Variants in CTNNA3 observed in about 807,000 individuals in gnomAD.
CTNNA3 encodes catenin alpha-3.
A neutral mutation model predicts 95.7 loss-of-function variants in CTNNA3; 76 were observed. The observed-to-expected ratio is 0.79, with a 90% CI of 0.66 to 0.96. The LOEUF is 0.96. CTNNA3 is among the 40% of genes least tolerant of loss of function. The pLI is 0.00. For missense variants in CTNNA3, 1,191 were observed against 1,089.8 expected (o/e 1.09, Z -1.31); for synonymous variants, 431 against 374.4 (o/e 1.15, Z -1.74).
chr10:67,403,694 C>T (rs1845015625), intron 5 of CTNNA3, among the ~76,000 whole-genome samples: 1 of 152,208 alleles, frequency 6.6e-6, no homozygotes, highest in African/African-American at 2.4e-5. Context: ...CACAGCACAG[C>T]TGCTCTACAA....
chr10:67,537,728 A>G (rs1352086293), intron 4 of CTNNA3, among the ~76,000 whole-genome samples: 1 of 152,168 alleles, frequency 6.6e-6, no homozygotes, highest in Non-Finnish European at 1.5e-5. Flanking sequence ...GGGTCATTGG[A>G]ACTAGGAATT....
chr10:67,251,656 C>T (rs892984081), intron 5 of CTNNA3, among the ~76,000 whole-genome samples: 7 of 152,002 alleles, frequency 4.6e-5, no homozygotes, highest in African/African-American at 1.4e-4. Flanking sequence ...GATCAAGGGA[C>T]GGGGGTTGGA....
At chr10:67,462,910 CT>C (rs776462420) in intron 5 of CTNNA3, among the ~76,000 whole-genome samples, 133 of 143,836 alleles carry the variant, frequency 9.2e-4, no homozygotes, top group Middle Eastern at 3.6e-3. Flanking sequence ...TTTTCTTTTT[CT>C]TTTTTTTTTT....
intron 7 of CTNNA3, among the ~76,000 whole-genome samples, chr10:66,829,770 C>T (rs990562104): frequency 2.6e-5 from 4 of 151,434 alleles, no homozygotes; most frequent in African/African-American, 4.9e-5. Context: ...GCACCCATTC[C>T]TATTAGCCTT....
In CTNNA3 at chr10:66,359,592, ACAATAGCATC is replaced by A. The variant is rs2092637464; in HGVS notation, c.1732+19550_1732+19559del. ...GATTTCTGGATTAAATCATTCCCAGACAATAGCATCAATTAGGAGATACATGCATACCTCT... is the reference window on the plus strand; with the variant it reads ...GATTTCTGGATTAAATCATTCCCAGAAATTAGGAGATACATGCATACCTCT... On this transcript the variant is annotated intron_variant, in intron 12 of 17. Transcript: ENST00000433211. Among the ~76,000 whole-genome samples, 3 of 152,290 alleles carry A rather than the reference ACAATAGCATC, an allele frequency of 2.0e-5. No individual in the cohort carries two copies. The South Asian group carries it at 6.2e-4, about 32-fold the overall frequency.
chr10:66,515,595 G>A (rs1461863772), intron 11 of CTNNA3, among the ~76,000 whole-genome samples: 2 of 151,974 alleles, frequency 1.3e-5, no homozygotes, highest in African/African-American at 4.8e-5. Context: ...CCCAAGACTG[G>A]GTCATTTATA....
intron 13 of CTNNA3, among the ~76,000 whole-genome samples, chr10:66,236,206 TA>T (rs1355807891): frequency 6.6e-6 from 1 of 152,170 alleles, no homozygotes; most frequent in African/African-American, 2.4e-5. Context: ...AAGTCAGAAC[TA>T]AACACAAGTT....
intron 11 of CTNNA3, among the ~76,000 whole-genome samples, chr10:66,493,551 T>A (rs1839994596): frequency 6.6e-6 from 1 of 152,026 alleles, no homozygotes; most frequent in Admixed American, 6.5e-5. Flanking sequence ...CACTTTTAAT[T>A]TTTTTGTTGT....
At chr10:67,538,157 T>TAAA (rs1176919938) in intron 4 of CTNNA3, among the ~76,000 whole-genome samples, 24 of 59,190 alleles carry the variant, frequency 4.1e-4, no homozygotes, top group East Asian at 1.8e-3. Context: ...CTACTTAAAC[T>TAAA]AAAAAAAAAA....
intron 11 of CTNNA3, among the ~76,000 whole-genome samples, chr10:66,488,310 A>G (rs1197564986): frequency 6.6e-6 from 1 of 152,216 alleles, no homozygotes; most frequent in Non-Finnish European, 1.5e-5. Context: ...GCATGGACAT[A>G]GATGAGTTAG....
intron 7 of CTNNA3, among the ~76,000 whole-genome samples, chr10:66,973,287 G>C (rs970046844): frequency 7.9e-5 from 12 of 152,044 alleles, no homozygotes; most frequent in African/African-American, 2.2e-4. Context: ...AAAGAAAATT[G>C]ACAATTAGAA....
chr10:67,324,979 G>C (rs1243506248), intron 5 of CTNNA3, among the ~76,000 whole-genome samples: 1 of 152,042 alleles, frequency 6.6e-6, no homozygotes, highest in Non-Finnish European at 1.5e-5. Flanking sequence ...GGTTGTATGT[G>C]TCTAGGAATT....
intron 11 of CTNNA3, among the ~76,000 whole-genome samples, chr10:66,418,713 A>T (rs201629643): frequency 1.2e-5 from 1 of 82,452 alleles, no homozygotes; most frequent in South Asian, 5.4e-4. Context: ...AAGGGACACA[A>T]GGATGTTCAA....
At chr10:66,056,779 A>G (rs1245534680) in intron 15 of CTNNA3, among the ~76,000 whole-genome samples, 1 of 152,130 alleles carries the variant, frequency 6.6e-6, no homozygotes, top group African/African-American at 2.4e-5. Context: ...GAACTCCTCC[A>G]TTTCTTCTAG....
At chr10:66,616,244 T>C (rs564034667) in intron 10 of CTNNA3, among the ~76,000 whole-genome samples, 2 of 152,160 alleles carry the variant, frequency 1.3e-5, no homozygotes, top group African/African-American at 4.8e-5. Context: ...AACTAGTCAC[T>C]CTCCTTGTGT....
At chr10:67,701,649 C>T (rs865994201) in intron 1 of CTNNA3, among the ~76,000 whole-genome samples, 15 of 152,136 alleles carry the variant, frequency 9.9e-5, no homozygotes, top group African/African-American at 2.2e-4. Flanking sequence ...AAGGAAAAAC[C>T]GGTACCAGCT....
At chr10:67,432,585 C>T (rs952998132) in intron 5 of CTNNA3, among the ~76,000 whole-genome samples, 4 of 151,982 alleles carry the variant, frequency 2.6e-5, no homozygotes, top group Non-Finnish European at 4.4e-5. Context: ...TCACTTTCTC[C>T]TCTATGTGCC....
chr10:67,103,171 A>C (rs1858437993), intron 7 of CTNNA3, among the ~76,000 whole-genome samples: 1 of 151,786 alleles, frequency 6.6e-6, no homozygotes, highest in Non-Finnish European at 1.5e-5. Context: ...TGCTCAAATG[A>C]ATTTATTTTT....
At chr10:66,251,756 T>C (rs1461447753) in intron 13 of CTNNA3, among the ~76,000 whole-genome samples, 1 of 152,190 alleles carries the variant, frequency 6.6e-6, no homozygotes, top group African/African-American at 2.4e-5. Flanking sequence ...ATTAGAAATA[T>C]CAACATTGTT....
Sources: gnomAD v4.1 joint callset for allele counts (sites outside exome capture counted in the v4.1 genomes callset) on GRCh38, gnomAD v4.1.1 for gene constraint, MANE v1.5 for transcripts, NCBI Gene and HGNC (gene_info 2026-07-23, HGNC 2026-07-21) for gene names.